KCNIP4: variants seen among roughly 807,000 people sequenced by gnomAD.
The protein encoded by KCNIP4 is potassium voltage-gated channel interacting protein 4.
Under a neutral mutation model 34.0 loss-of-function variants are expected in KCNIP4, and 12 were observed. The observed-to-expected ratio is 0.35, with a 90% CI of 0.23 to 0.57. The LOEUF is 0.57. KCNIP4 is among the 20% of genes least tolerant of loss of function. The probability of loss-of-function intolerance (pLI) is 0.83; values close to 1 mark genes in which losing one functional copy is unlikely to be tolerated. For missense variants in KCNIP4, 238 were observed against 311.7 expected (o/e 0.76, Z 1.78); for synonymous variants, 124 against 102.2 (o/e 1.21, Z -1.29).
chr4:20,950,865 AC>A (rs1490507515), intron 1 of KCNIP4, among the ~76,000 whole-genome samples: 1 of 152,078 alleles, frequency 6.6e-6, no homozygotes, highest in Non-Finnish European at 1.5e-5. Context: ...GTTTTTGCTT[AC>A]CTTTTTTTCT....
In KCNIP4 at chr4:21,461,423, GT is replaced by G. The variant is rs34481415; in HGVS notation, c.61+487147del. 1.6e-3 allele frequency among the ~76,000 whole-genome samples: 238 copies of G among 148,522 alleles called. 2 individuals are homozygous for G. The highest frequency in any genetic ancestry group is 4.7e-3 in the African/African-American group (190 of 40,374). Reference sequence around the variant, plus strand: ...ACAAATATGAACAGTAGCTTGTGAAGTTTTTTTTTTTCACACTTCATTTTTC... The same window carrying G: ...ACAAATATGAACAGTAGCTTGTGAAGTTTTTTTTTTCACACTTCATTTTTC... On this transcript the variant is annotated intron_variant, in intron 1 of 8. Coordinates refer to ENST00000382152, the MANE Select transcript of KCNIP4 (RefSeq NM_025221.6).
chr4:21,531,292 TTCTC>T (rs913414074), intron 1 of KCNIP4, among the ~76,000 whole-genome samples: 6 of 150,804 alleles, frequency 4.0e-5, no homozygotes, highest in Non-Finnish European at 8.9e-5. Flanking sequence ...CTTTCCTTCT[TTCTC>T]TCTCTCTCTT....
At chr4:21,494,542 AG>A (rs1246083531) in intron 1 of KCNIP4, among the ~76,000 whole-genome samples, 1 of 152,066 alleles carries the variant, frequency 6.6e-6, no homozygotes, top group African/African-American at 2.4e-5. Context: ...TGGGAGGCTG[AG>A]GTGGGCGGAC....
intron 1 of KCNIP4, among the ~76,000 whole-genome samples, chr4:21,353,304 A>C (rs551760930): frequency 3.9e-5 from 6 of 152,168 alleles, no homozygotes; most frequent in Non-Finnish European, 5.9e-5. Context: ...ACTTTGACGA[A>C]TTGACAGAAG....
At chr4:21,197,584 AG>A (rs1756147412) in intron 1 of KCNIP4, among the ~76,000 whole-genome samples, 5 of 152,130 alleles carry the variant, frequency 3.3e-5, no homozygotes, top group African/African-American at 1.2e-4. Context: ...TTACTAGTTT[AG>A]TTTCCATAAA....
In KCNIP4 at chr4:21,096,070, G is replaced by A. The variant is rs561685087; in HGVS notation, c.62-213361C>T. Among the ~76,000 whole-genome samples, 17 of 152,164 alleles carry A rather than the reference G, an allele frequency of 1.1e-4. No homozygotes were observed. In the East Asian group the frequency reaches 3.1e-3, roughly 28 times the overall value. On this transcript the variant is annotated intron_variant, in intron 1 of 8. Coordinates refer to ENST00000382152, the MANE Select transcript of KCNIP4 (RefSeq NM_025221.6). ...AAACTAAAACCCACAAACTATCTGG[G>A]GAGATTAAATTTACCGTACATAAAA... is the stretch of plus-strand genomic sequence containing the variant.
chr4:21,589,212 ATAAG>A (rs1333846645), intron 1 of KCNIP4, among the ~76,000 whole-genome samples: 7 of 132,144 alleles, frequency 5.3e-5, no homozygotes, highest in Non-Finnish European at 9.8e-5. Context: ...GTGTACATAT[ATAAG>A]TACACATGTA....
At chr4:21,543,193 A>G (rs140326742) in intron 1 of KCNIP4, among the ~76,000 whole-genome samples, 4 of 152,196 alleles carry the variant, frequency 2.6e-5, no homozygotes, top group African/African-American at 9.6e-5. Context: ...TTATTTTTCT[A>G]TCTTCTATAC....
intron 1 of KCNIP4, among the ~76,000 whole-genome samples, chr4:21,485,678 T>C (rs1349017987): frequency 6.6e-6 from 1 of 152,192 alleles, no homozygotes; most frequent in Non-Finnish European, 1.5e-5. Context: ...AGCAGAATCA[T>C]GGGATCCTTG....
chr4:20,960,906 G>A (rs2149659367), intron 1 of KCNIP4, among the ~76,000 whole-genome samples: 1 of 152,290 alleles, frequency 6.6e-6, no homozygotes, highest in South Asian at 2.1e-4. Context: ...TCTCTAATAA[G>A]ACATTGGAGA....
chr4:21,927,360 T>G (rs1578151977), intron 1 of KCNIP4, among the ~76,000 whole-genome samples: 1 of 152,236 alleles, frequency 6.6e-6, no homozygotes, highest in Non-Finnish European at 1.5e-5. Context: ...TTGGAGGCCC[T>G]TTAGTCTGCC....
At chr4:21,873,596 A>G (rs1181888458) in intron 1 of KCNIP4, among the ~76,000 whole-genome samples, 1 of 152,206 alleles carries the variant, frequency 6.6e-6, no homozygotes, top group East Asian at 1.9e-4. Context: ...TGAAAGACTG[A>G]ATTATTACTA....
intron 1 of KCNIP4, among the ~76,000 whole-genome samples, chr4:21,945,398 A>T (rs1386466521): frequency 6.6e-6 from 1 of 152,228 alleles, no homozygotes; most frequent in Non-Finnish European, 1.5e-5. Flanking sequence ...AAGAAAATAA[A>T]ATAATGATTG....
At chr4:21,511,744 C>G (rs1322154649) in intron 1 of KCNIP4, among the ~76,000 whole-genome samples, 5 of 152,176 alleles carry the variant, frequency 3.3e-5, no homozygotes, top group Non-Finnish European at 7.3e-5. Context: ...ATAATTTAAA[C>G]TGTGGCTTTC....
At chr4:21,788,920 A>C (rs1720085025) in intron 1 of KCNIP4, among the ~76,000 whole-genome samples, 1 of 151,934 alleles carries the variant, frequency 6.6e-6, no homozygotes, top group Admixed American at 6.6e-5. Flanking sequence ...TAAAAATACA[A>C]CAATTAGCCA....
At chr4:21,763,993 G>A (rs971162702) in intron 1 of KCNIP4, among the ~76,000 whole-genome samples, 2 of 152,036 alleles carry the variant, frequency 1.3e-5, no homozygotes, top group Admixed American at 1.3e-4. Context: ...GAAAATTTAT[G>A]CAATTAGATC....
intron 1 of KCNIP4, among the ~76,000 whole-genome samples, chr4:21,836,925 T>TTTG (rs2109313885): frequency 6.8e-6 from 1 of 148,038 alleles, no homozygotes; most frequent in East Asian, 2.0e-4. Context: ...TTTTTTTTTT[T>TTTG]TTTTTTTTTT....
intron 1 of KCNIP4, among the ~76,000 whole-genome samples, chr4:21,220,562 AAATAAT>A (rs931905275): frequency 6.6e-5 from 10 of 151,626 alleles, no homozygotes; most frequent in Non-Finnish European, 8.8e-5. Flanking sequence ...GTATAATAAT[AAATAAT>A]AATAATAATA....
chr4:20,765,459 T>C (rs1043322866), intron 3 of KCNIP4, among the ~76,000 whole-genome samples: 1 of 152,162 alleles, frequency 6.6e-6, no homozygotes, highest in Non-Finnish European at 1.5e-5. Context: ...TTATTGTGCA[T>C]TGTAGCTTGA....
Sources: gnomAD v4.1 joint callset for allele counts (sites outside exome capture counted in the v4.1 genomes callset) on GRCh38, gnomAD v4.1.1 for gene constraint, MANE v1.5 for transcripts, NCBI Gene and HGNC (gene_info 2026-07-23, HGNC 2026-07-21) for gene names.